The following YEATS2 variants were observed in gnomAD, a reference collection of about 807,000 sequenced individuals.
The protein encoded by YEATS2 is YEATS domain-containing protein 2.
Under a neutral mutation model 163.2 loss-of-function variants are expected in YEATS2, and 77 were observed. That is an observed-to-expected ratio of 0.47 (90% CI 0.39 to 0.57). YEATS2 has a LOEUF of 0.57. Among genes scored for constraint, YEATS2 ranks in the 20% least tolerant of loss-of-function variants. The probability of loss-of-function intolerance (pLI) is 0.00; values close to 1 mark genes in which losing one functional copy is unlikely to be tolerated. For missense variants in YEATS2, 1,549 were observed against 1,729.8 expected (o/e 0.90, Z 1.85); for synonymous variants, 631 against 645.1 (o/e 0.98, Z 0.33).
chr3:183,788,420 T>C (rs902672217), intron 20 of YEATS2, among the ~76,000 whole-genome samples: 1 of 152,354 alleles, frequency 6.6e-6, no homozygotes, highest in East Asian at 1.9e-4. Context: ...TTTCTGTGCC[T>C]GGCTTATTTC....
At chr3:183,802,502 T>TAC (rs1560334963) in intron 25 of YEATS2, 4 of 149,724 alleles carry the variant, frequency 2.7e-5, no homozygotes, top group African/African-American at 1.0e-4. Context: ...TGTGTGTGTG[T>TAC]GTGTGTGTAT....
chr3:183,701,398 A>AT (rs1395767542), intron 1 of YEATS2, among the ~76,000 whole-genome samples: 2 of 128,230 alleles, frequency 1.6e-5, no homozygotes, highest in Admixed American at 7.7e-5. Flanking sequence ...CAATATATAT[A>AT]TTTTTTGAGA....
chr3:183,741,535 A>G (rs1191342034), intron 8 of YEATS2, among the ~76,000 whole-genome samples: 1 of 151,882 alleles, frequency 6.6e-6, no homozygotes, highest in Non-Finnish European at 1.5e-5. Flanking sequence ...TAATCCCAGC[A>G]CTTTGGGAGG....
chr3:183,766,990 A>T (rs962202088), intron 15 of YEATS2, among the ~76,000 whole-genome samples: 2 of 152,086 alleles, frequency 1.3e-5, no homozygotes, highest in Non-Finnish European at 2.9e-5. Context: ...ATGTTGTTTT[A>T]AAAAAATAAC....
rs1190400439 is a variant in YEATS2, at chr3:183,775,917, C to A, written c.2371C>A (p.Leu791Ile). The A allele has an allele frequency of 6.2e-7, 1 of 1,612,164 alleles. No individual in the cohort carries two copies. Among genetic ancestry groups the A allele is most frequent in the Admixed American group, 1.7e-5 (1 of 59,990 alleles). The part of the protein sequence containing the change: ...AILRATNNAN[L>I]QSGSAASGGS... ...GCTGTCATTCATTGTATTTTTAGATCTCCAGTCTGGCTCAGCTGCCAGTGG... is the reference window on the plus strand; with the variant it reads ...GCTGTCATTCATTGTATTTTTAGATATCCAGTCTGGCTCAGCTGCCAGTGG... Residue 791 changes from leucine (L) to isoleucine (I), a missense_variant and splice_region_variant, in exon 18 of 31, where the codon CTC (leucine) becomes ATC (isoleucine). Transcript: ENST00000305135.
intron 21 of YEATS2, among the ~76,000 whole-genome samples, chr3:183,794,336 A>G (rs1484880755): frequency 6.6e-6 from 1 of 152,228 alleles, no homozygotes; most frequent in Admixed American, 6.5e-5. Flanking sequence ...TTCAAAAGGC[A>G]CAGTGTAAAG....
At chr3:183,762,712 A>G (rs1345087651) in intron 15 of YEATS2, among the ~76,000 whole-genome samples, 2 of 150,244 alleles carry the variant, frequency 1.3e-5, no homozygotes, top group Admixed American at 1.3e-4. Flanking sequence ...TTTTTTTTTA[A>G]TAATTTGGAG....
In YEATS2 at chr3:183,754,320, G is replaced by A. The variant is rs1162272020; in HGVS notation, c.1345G>A (p.Gly449Arg). 6.2e-7 allele frequency: 1 copy of A among 1,613,940 alleles called. No individual in the cohort carries two copies. The highest frequency in any genetic ancestry group is 1.1e-5 in the South Asian group (1 of 91,056). Residue 449 changes from glycine to arginine, a missense_variant, in exon 11 of 31, where the codon GGA (glycine) becomes AGA (arginine). Gly to Arg is a moderately radical substitution (Grantham distance 125, BLOSUM62 -2). Transcript: ENST00000305135. ...TCAGGTTCCTAATCCTGAGTCACCT[G>A]GAAAATCCTTCCAGCCCATCACCAT... ...QSQVPNPESP[G>R]KSFQPITMSC...
At chr3:183,774,568 G>A (rs965161814) in intron 17 of YEATS2, among the ~76,000 whole-genome samples, 2 of 152,168 alleles carry the variant, frequency 1.3e-5, no homozygotes, top group Non-Finnish European at 2.9e-5. Flanking sequence ...CTCTACCTAG[G>A]TTTGTAAGTC....
At chr3:183,777,244 A>C (rs1317055783) in intron 18 of YEATS2, among the ~76,000 whole-genome samples, 4 of 152,200 alleles carry the variant, frequency 2.6e-5, no homozygotes, top group African/African-American at 7.2e-5. Context: ...GTTCTTATTG[A>C]GAAAGATGAT....
intron 19 of YEATS2, among the ~76,000 whole-genome samples, chr3:183,785,273 G>A (rs150549697): frequency 2.6e-5 from 4 of 151,922 alleles, no homozygotes; most frequent in African/African-American, 9.7e-5. Context: ...AGATCACGAG[G>A]TCACGAGAGA....
chr3:183,773,338 A>G (rs1722665229), intron 16 of YEATS2, among the ~76,000 whole-genome samples: 1 of 152,224 alleles, frequency 6.6e-6, no homozygotes, highest in African/African-American at 2.4e-5. Context: ...ATTAATAATT[A>G]TAGTGGGACA....
rs561785979 is a variant in YEATS2 at position 183,704,669 on chromosome 3, G to T, written c.-20+6676G>T. On this transcript the variant is annotated intron_variant, in intron 1 of 30. Coordinates refer to ENST00000305135, the MANE Select transcript of YEATS2 (RefSeq NM_018023.5). ...TTTTGAGACAGAGTCTCACTCTGTT[G>T]CCCAGGCTGGAGTGCAGTGGCGTGA... Among the ~76,000 whole-genome samples, 8 of 150,662 alleles carry T rather than the reference G, an allele frequency of 5.3e-5. No homozygotes were observed. In the South Asian group the frequency reaches 1.7e-3, roughly 32 times the overall value.
At chr3:183,747,032 T>A (rs1719622391) in intron 8 of YEATS2, among the ~76,000 whole-genome samples, 1 of 152,210 alleles carries the variant, frequency 6.6e-6, no homozygotes, top group African/African-American at 2.4e-5. Context: ...AACCTTTTTC[T>A]GTGTAATTGT....
chr3:183,792,736 T>A (rs1453441515), intron 21 of YEATS2, among the ~76,000 whole-genome samples: 5 of 152,282 alleles, frequency 3.3e-5, no homozygotes, highest in Non-Finnish European at 5.9e-5. Context: ...CTTGAACTCC[T>A]GACCTCAGGT....
intron 18 of YEATS2, 106 bp downstream of exon 18, chr3:183,776,229 A>G (rs1200843648): frequency 6.2e-6 from 7 of 1,130,782 alleles, no homozygotes; most frequent in Middle Eastern, 2.6e-4. Flanking sequence ...TTCAATACTA[A>G]CACCTTAACC....
chr3:183,767,610 T>C (rs939481565), intron 15 of YEATS2, among the ~76,000 whole-genome samples: 1 of 152,196 alleles, frequency 6.6e-6, no homozygotes, highest in Admixed American at 6.5e-5. Context: ...CTCAAACTTC[T>C]GACCTTGTGA....
chr3:183,795,840 T>G (rs909173767), intron 21 of YEATS2, among the ~76,000 whole-genome samples: 4 of 152,192 alleles, frequency 2.6e-5, no homozygotes, highest in Non-Finnish European at 5.9e-5. Context: ...TACTACCTGA[T>G]GATTTAACAC....
At chr3:183,712,400 G>A (rs547743860) in intron 1 of YEATS2, among the ~76,000 whole-genome samples, 1 of 151,610 alleles carries the variant, frequency 6.6e-6, no homozygotes, top group East Asian at 2.0e-4. Flanking sequence ...TAGTAGAGAC[G>A]AGGTTTCACC....
Sources: gnomAD v4.1 joint callset for allele counts (sites outside exome capture counted in the v4.1 genomes callset) on GRCh38, gnomAD v4.1.1 for gene constraint, MANE v1.5 for transcripts, NCBI Gene and HGNC (gene_info 2026-07-23, HGNC 2026-07-21) for gene names.